The following BPIFC variants were observed in gnomAD, a reference collection of about 807,000 sequenced individuals.
BPIFC encodes BPI fold containing family C.
A neutral mutation model predicts 57.6 loss-of-function variants in BPIFC; 60 were observed. The ratio of observed to expected loss-of-function variants is 1.04; its 90% CI spans 0.85 to 1.29. The LOEUF (loss-of-function observed/expected upper bound fraction) is 1.29. BPIFC is among the 50% of genes most tolerant of loss of function. BPIFC has a pLI of 0.00. For missense variants in BPIFC, 581 were observed against 600.5 expected (o/e 0.97, Z 0.34); for synonymous variants, 243 against 224.5 (o/e 1.08, Z -0.74).
At chr22:32,450,573 A>C (rs914357785) in intron 4 of BPIFC, among the ~76,000 whole-genome samples, 11 of 152,266 alleles carry the variant, frequency 7.2e-5, no homozygotes, top group African/African-American at 2.6e-4. Flanking sequence ...ATATGTAACC[A>C]ATATAAAAAT....
rs747086864 is a variant in BPIFC, at chr22:32,445,879, T to C, written c.492A>G (p.Gln164=). The C allele has an allele frequency of 3.7e-6, 6 of 1,614,164 alleles. No homozygotes were observed. The highest frequency in any genetic ancestry group is 2.2e-5 in the East Asian group (1 of 44,876). Residue 164 remains glutamine, a synonymous_variant, in exon 6 of 17, where the codon CAA becomes CAG. Transcript: ENST00000300399. The part of the protein sequence containing the change: ...PTLKLQDCYA[Q]LSHAHVSFSG... The stretch of plus-strand genomic sequence containing the variant: ...AAAATGAGACGTGGGCATGGCTCAG[T>C]TGGGCGTAGCAATCTTGGAGCTTCA...
At position 32,417,095 on chromosome 22, in the gene BPIFC, T is replaced by C. The variant is rs760691059; in HGVS notation, c.1314A>G (p.Pro438=). 6.2e-7 allele frequency: 1 copy of C among 1,602,894 alleles called. No homozygotes were observed. Among genetic ancestry groups the C allele is most frequent in the South Asian group, 1.1e-5 (1 of 90,852 alleles). ...LSSILHFGVL[P]LANAKLQQGF... ...CCAATAATCCCTTACCATTGGCCAGTGGGAGGACTCCAAAGTGAAGAATGG... is the reference window on the plus strand; with the variant it reads ...CCAATAATCCCTTACCATTGGCCAGCGGGAGGACTCCAAAGTGAAGAATGG... The change falls in exon 15 of 17, where the codon CCA becomes CCG. Residue 438 remains proline, a synonymous_variant. Coordinates refer to ENST00000300399, the MANE Select transcript of BPIFC (RefSeq NM_174932.3).
intron 3 of BPIFC, among the ~76,000 whole-genome samples, chr22:32,454,533 C>T (rs956973396): frequency 6.6e-5 from 10 of 152,156 alleles, no homozygotes; most frequent in African/African-American, 2.4e-4. Flanking sequence ...AGAGACCTCT[C>T]CCACATTAAA....
chr22:32,424,753 C>CTCTTCTTCTTCCTCT (rs1934005259), intron 13 of BPIFC, among the ~76,000 whole-genome samples: 2 of 35,492 alleles, frequency 5.6e-5, no homozygotes, highest in Non-Finnish European at 9.9e-5. Flanking sequence ...CTTCTTCTTC[C>CTCTTCTTCTTCCTCT]TCTTCTTCTT....
At chr22:32,417,041 G>C in intron 15 of BPIFC, 44 bp downstream of exon 15, 4 of 1,463,482 alleles carry the variant, frequency 2.7e-6, no homozygotes, top group Non-Finnish European at 3.8e-6. Flanking sequence ...GATGTTAAAT[G>C]TTAGCCGATG....
intron 13 of BPIFC, among the ~76,000 whole-genome samples, chr22:32,429,020 G>C (rs1172090466): frequency 6.6e-6 from 1 of 151,914 alleles, no homozygotes. Flanking sequence ...TTTCAGTTTT[G>C]TGATTCACTT....
In BPIFC at chr22:32,437,751, T is replaced by A. The variant is rs1822109454; in HGVS notation, c.747+9A>T. On this transcript the variant is annotated intron_variant, in intron 9 of 16. Transcript: ENST00000300399. ...GCCAGGCTGAGGATTCTGATGATGA[T>A]AAAGTTACCTTCAAGTTCAGGTCAA... The A allele has an allele frequency of 1.5e-5, 23 of 1,569,604 alleles. No homozygotes were observed. Among genetic ancestry groups the A allele is most frequent in the Admixed American group, 5.0e-5 (3 of 59,914 alleles).
At chr22:32,446,686 A>T in intron 5 of BPIFC, 2 of 934,942 alleles carry the variant, frequency 2.1e-6, no homozygotes, top group Non-Finnish European at 2.6e-6. Flanking sequence ...TAAACATTAC[A>T]CCCAGAACAG....
chr22:32,430,862 C>T (rs192236192), intron 13 of BPIFC, among the ~76,000 whole-genome samples: 193 of 152,038 alleles, frequency 1.3e-3, no homozygotes, highest in South Asian at 2.1e-3. Context: ...AGGCTGGGCT[C>T]AAACTCCTGG....
rs547536632 is a variant in BPIFC, at chr22:32,456,313, T to C, written c.124+950A>G. 4.7e-4 allele frequency among the ~76,000 whole-genome samples: 71 copies of C among 152,294 alleles called. 1 individual carries two copies. Among genetic ancestry groups the C allele is most frequent in the Non-Finnish European group, 4.1e-4 (28 of 68,018 alleles). The stretch of plus-strand genomic sequence containing the variant: ...ATAACATTTGTGCAAGATGGCTCAA[T>C]TTTAGATCTCCTGCACTAGATGATG... On this transcript the variant is annotated intron_variant, in intron 3 of 16. Transcript: ENST00000300399.
At position 32,452,981 on chromosome 22, in the gene BPIFC, C is replaced by T. The variant is rs367973194; in HGVS notation, c.245+402G>A. Among the ~76,000 whole-genome samples, 35 of 152,238 alleles carry T rather than the reference C, an allele frequency of 2.3e-4. No homozygotes were observed. The East Asian group carries it at 4.4e-3, about 19-fold the overall frequency. On this transcript the variant is annotated intron_variant, in intron 4 of 16. Transcript: ENST00000300399. The stretch of plus-strand genomic sequence containing the variant: ...TGAACATTCCTGATTTTATTGGGAA[C>T]GACAAACTTGTTTGGTTGGAAAACT...
chr22:32,464,214 CACAA>C (rs943218261), intron 1 of BPIFC, among the ~76,000 whole-genome samples, 156 bp downstream of exon 1: 49 of 152,268 alleles, frequency 3.2e-4, no homozygotes, highest in African/African-American at 9.4e-4. Flanking sequence ...TGTGACATCA[CACAA>C]ACAAACAAAC....
intron 10 of BPIFC, among the ~76,000 whole-genome samples, chr22:32,434,089 T>TAC (rs1934320000): frequency 6.7e-6 from 1 of 149,610 alleles, no homozygotes; most frequent in Non-Finnish European, 1.5e-5. Flanking sequence ...TAGTTATATA[T>TAC]ATATATATCT....
At chr22:32,436,966 C>T (rs1056797254) in intron 9 of BPIFC, among the ~76,000 whole-genome samples, 2 of 152,174 alleles carry the variant, frequency 1.3e-5, no homozygotes, top group African/African-American at 4.8e-5. Context: ...AGCTTTGGGG[C>T]AAAATGAAAC....
intron 13 of BPIFC, among the ~76,000 whole-genome samples, chr22:32,421,151 G>T (rs1933836749): frequency 6.6e-6 from 1 of 152,038 alleles, no homozygotes; most frequent in Admixed American, 6.6e-5. Context: ...ATATTTTATG[G>T]GAATTTTCAT....
At chr22:32,417,361 A>C (rs146172628) in intron 14 of BPIFC, among the ~76,000 whole-genome samples, 1 of 152,058 alleles carries the variant, frequency 6.6e-6, no homozygotes, top group East Asian at 1.9e-4. Flanking sequence ...AATTTTTTTT[A>C]GGGACAGAGT....
At chr22:32,444,426 G>T (rs1934655841) in intron 7 of BPIFC, among the ~76,000 whole-genome samples, 1 of 152,148 alleles carries the variant, frequency 6.6e-6, no homozygotes, top group South Asian at 2.1e-4. Flanking sequence ...GCACCGAGCT[G>T]AGCACTAGAG....
In BPIFC at chr22:32,424,639, CTTCTCTTCT is replaced by C. The variant is rs760194290; in HGVS notation, c.1218-5244_1218-5236del. Among the ~76,000 whole-genome samples the C allele has an allele frequency of 5.5e-5, 3 of 54,606 alleles. 1 individual carries two copies. Among genetic ancestry groups the C allele is most frequent in the Non-Finnish European group, 9.5e-5 (3 of 31,470 alleles). 35.8% of individuals were successfully genotyped at this position (54,606 alleles called of 152,430 possible). On this transcript the variant is annotated intron_variant, in intron 13 of 16. Coordinates refer to ENST00000300399, the MANE Select transcript of BPIFC (RefSeq NM_174932.3). ...TCCTCCTCCTCCTCCTCTTCTTCTT[CTTCTCTTCT>C]TCTTCTTCTTCTTCTTCTTCTTCTT... is the stretch of plus-strand genomic sequence containing the variant.
intron 13 of BPIFC, among the ~76,000 whole-genome samples, chr22:32,424,394 GT>G (rs1933935203): frequency 6.6e-6 from 1 of 151,982 alleles, no homozygotes; most frequent in Admixed American, 6.6e-5. Flanking sequence ...CAAAAGTGCT[GT>G]GTGTTTTTTT....
Sources: allele counts gnomAD v4.1 joint callset (sites outside exome capture counted in the v4.1 genomes callset), GRCh38; gene constraint gnomAD v4.1.1; transcripts MANE v1.5; gene names NCBI Gene and HGNC (gene_info 2026-07-23, HGNC 2026-07-21).